Variants in ADAMTSL1 observed in about 807,000 individuals in gnomAD.
ADAMTSL1 encodes the protein ADAMTS-like protein 1.
A neutral mutation model predicts 201.8 loss-of-function variants in ADAMTSL1; 126 were observed. That is an observed-to-expected ratio of 0.62 (90% CI 0.54 to 0.72). ADAMTSL1 has a LOEUF of 0.72. ADAMTSL1 is among the 30% of genes least tolerant of loss of function. The pLI is 0.00. For synonymous variants in ADAMTSL1, 1,121 were observed against 903.4 expected (o/e 1.24, Z -4.32); for missense variants, 2,679 against 2,277.8 (o/e 1.18, Z -3.59).
intron 1 of ADAMTSL1, among the ~76,000 whole-genome samples, chr9:17,912,801 A>C (rs1254603812): frequency 1.6e-5 from 2 of 122,424 alleles, no homozygotes; most frequent in African/African-American, 5.2e-5. Context: ...GTTTTCTTCT[A>C]GGGTTTTTAT....
At chr9:18,166,672 A>G (rs754378429) in intron 2 of ADAMTSL1, among the ~76,000 whole-genome samples, 1 of 151,894 alleles carries the variant, frequency 6.6e-6, no homozygotes, top group Non-Finnish European at 1.5e-5. Context: ...AGGAAACACC[A>G]TGTCTCACTC....
At chr9:18,071,488 A>C (rs1234127418) in intron 1 of ADAMTSL1, among the ~76,000 whole-genome samples, 1 of 152,234 alleles carries the variant, frequency 6.6e-6, no homozygotes, top group Non-Finnish European at 1.5e-5. Context: ...TGGTTATGTT[A>C]TTGTTCCAAA....
At chr9:18,564,346 G>C (rs145241603) in intron 3 of ADAMTSL1, among the ~76,000 whole-genome samples, 1,773 of 152,260 alleles carry the variant, frequency 0.012, 14 homozygotes, top group South Asian at 0.017. Context: ...TGCAGCTACT[G>C]TCTAACCAGT....
intron 2 of ADAMTSL1, among the ~76,000 whole-genome samples, chr9:18,277,425 C>G (rs1161013786): frequency 6.6e-6 from 1 of 152,064 alleles, no homozygotes; most frequent in Non-Finnish European, 1.5e-5. Context: ...TTTAAATGCT[C>G]CTGTACTGGG....
intron 2 of ADAMTSL1, among the ~76,000 whole-genome samples, chr9:18,351,942 A>G (rs1371958854): frequency 3.9e-5 from 6 of 152,164 alleles, no homozygotes; most frequent in Non-Finnish European, 7.3e-5. Context: ...AATATCAGTG[A>G]TGACCTAGTT....
intron 26 of ADAMTSL1, among the ~76,000 whole-genome samples, chr9:18,897,705 G>T (rs1399756813): frequency 6.6e-6 from 1 of 152,130 alleles, no homozygotes; most frequent in Non-Finnish European, 1.5e-5. Flanking sequence ...CCATTCAAAG[G>T]TCAGCAACCT....
chr9:18,710,075 C>T (rs1485768137), intron 14 of ADAMTSL1, among the ~76,000 whole-genome samples: 3 of 152,140 alleles, frequency 2.0e-5, no homozygotes, highest in Non-Finnish European at 4.4e-5. Flanking sequence ...CTCCCATGGG[C>T]CAACTCTACT....
intron 1 of ADAMTSL1, among the ~76,000 whole-genome samples, chr9:18,125,419 C>A (rs1238716033): frequency 6.6e-6 from 1 of 152,148 alleles, no homozygotes; most frequent in Admixed American, 6.5e-5. Flanking sequence ...GGGACACACC[C>A]AAACCATATC....
At chr9:18,378,542 C>G (rs1173720740) in intron 2 of ADAMTSL1, among the ~76,000 whole-genome samples, 1 of 152,180 alleles carries the variant, frequency 6.6e-6, no homozygotes, top group Non-Finnish European at 1.5e-5. Context: ...GCTGATGTCT[C>G]TTCCATGATG....
At chr9:17,963,463 A>C (rs970358677) in intron 1 of ADAMTSL1, among the ~76,000 whole-genome samples, 1 of 152,178 alleles carries the variant, frequency 6.6e-6, no homozygotes, top group African/African-American at 2.4e-5. Flanking sequence ...TTAAAGTAAT[A>C]AAATTTGGCA....
At chr9:18,587,901 A>G (rs1232526532) in intron 4 of ADAMTSL1, among the ~76,000 whole-genome samples, 1 of 152,184 alleles carries the variant, frequency 6.6e-6, no homozygotes, top group Non-Finnish European at 1.5e-5. Flanking sequence ...TTGATTATAT[A>G]TCTTGACTTG....
intron 2 of ADAMTSL1, among the ~76,000 whole-genome samples, chr9:18,400,201 C>T (rs954179013): frequency 2.0e-5 from 3 of 152,022 alleles, no homozygotes; most frequent in African/African-American, 7.2e-5. Flanking sequence ...AAAGAAATAA[C>T]ATACTTTTAC....
intron 2 of ADAMTSL1, among the ~76,000 whole-genome samples, chr9:18,294,641 T>G (rs1020734430): frequency 2.0e-5 from 3 of 152,228 alleles, no homozygotes; most frequent in Non-Finnish European, 2.9e-5. Context: ...GTGGGAATGC[T>G]TGAGCCCTTT....
In ADAMTSL1 at chr9:18,635,929, T is replaced by C; in HGVS notation, c.602-14T>C. 6.3e-7 allele frequency: 1 copy of C among 1,592,782 alleles called. No individual in the cohort carries two copies. Reference sequence around the variant, plus strand: ...AGTGACATGCTTTTAAGATTTTGCTTTGTTTCTCTCTAGCGGATGATACTG... The same window carrying C: ...AGTGACATGCTTTTAAGATTTTGCTCTGTTTCTCTCTAGCGGATGATACTG... On this transcript the variant is annotated splice_polypyrimidine_tract_variant and intron_variant, in intron 5 of 28. Transcript: ENST00000380548.
chr9:18,147,484 G>A (rs944847445), intron 1 of ADAMTSL1, among the ~76,000 whole-genome samples: 2 of 152,060 alleles, frequency 1.3e-5, no homozygotes, highest in African/African-American at 2.4e-5. Flanking sequence ...CCAACTTGCA[G>A]CATCTATTTG....
chr9:18,547,588 G>C lies in ADAMTSL1; in HGVS notation c.237+14296G>C, dbSNP rs1045723688. Among the ~76,000 whole-genome samples, 10 of 140,220 alleles carry C rather than the reference G, an allele frequency of 7.1e-5. 1 individual carries two copies. Among genetic ancestry groups the C allele is most frequent in the African/African-American group, 2.7e-4 (10 of 37,702 alleles). 92.0% of individuals were successfully genotyped at this position (140,220 alleles called of 152,430 possible). ...CCAGGTAGAAAACTTGATGTCAGGA[G>C]TTTCGAGGAGGCTCTCTGTTGTGAA... On this transcript the variant is annotated intron_variant, in intron 3 of 28. Transcript: ENST00000380548.
chr9:18,510,879 C>T (rs778787871), intron 2 of ADAMTSL1, among the ~76,000 whole-genome samples: 7 of 152,034 alleles, frequency 4.6e-5, no homozygotes, highest in Non-Finnish European at 1.0e-4. Context: ...CTTCACCCCC[C>T]TACTAAATAC....
At chr9:18,022,133 C>T (rs1354967778) in intron 1 of ADAMTSL1, among the ~76,000 whole-genome samples, 1 of 152,124 alleles carries the variant, frequency 6.6e-6, no homozygotes, top group African/African-American at 2.4e-5. Flanking sequence ...CCACCTTGCA[C>T]TGATCACCAC....
chr9:18,693,481 C>T (rs1285026250), intron 13 of ADAMTSL1, among the ~76,000 whole-genome samples: 1 of 152,150 alleles, frequency 6.6e-6, no homozygotes, highest in East Asian at 1.9e-4. Flanking sequence ...CTTATGGTTT[C>T]TATAGCCATA....
Sources: gnomAD v4.1 joint callset for allele counts (sites outside exome capture counted in the v4.1 genomes callset) on GRCh38, gnomAD v4.1.1 for gene constraint, MANE v1.5 for transcripts, NCBI Gene and HGNC (gene_info 2026-07-23, HGNC 2026-07-21) for gene names.